Variants in KCNT2 observed in about 807,000 individuals in gnomAD.
The protein encoded by KCNT2 is potassium channel subfamily T member 2.
Under a neutral mutation model 153.8 loss-of-function variants are expected in KCNT2, and 67 were observed. The observed-to-expected ratio is 0.44, with a 90% confidence interval of 0.36 to 0.53. The LOEUF is 0.53. KCNT2 is among the 20% of genes least tolerant of loss of function. The probability of loss-of-function intolerance (pLI) is 0.00; values close to 1 mark genes in which losing one functional copy is unlikely to be tolerated. For missense variants in KCNT2, 975 were observed against 1,354.8 expected (o/e 0.72, Z 4.40); for synonymous variants, 500 against 458.8 (o/e 1.09, Z -1.15).
In KCNT2 at chr1:196,567,135, T is replaced by C. The variant is rs7533320; in HGVS notation, c.95+41080A>G. On this transcript the variant is annotated intron_variant, in intron 1 of 27. Coordinates refer to ENST00000294725, the MANE Select transcript of KCNT2 (RefSeq NM_198503.5). ...ACAAAATTAAATATGAATTCCTTAA[T>C]TACCATGGTCCATTATAGAACAGTT... Among the ~76,000 whole-genome samples, 740 of 152,260 alleles carry C rather than the reference T, an allele frequency of 4.9e-3. 3 individuals carry two copies. Among genetic ancestry groups the C allele is most frequent in the African/African-American group, 0.016 (673 of 41,572 alleles).
At chr1:196,239,234 G>A (rs542101784) in intron 26 of KCNT2, among the ~76,000 whole-genome samples, 15 of 151,444 alleles carry the variant, frequency 9.9e-5, no homozygotes, top group African/African-American at 1.7e-4. Context: ...ACCAAAATAC[G>A]ACATTAGCAA....
In KCNT2 at chr1:196,245,589, G is replaced by A. The variant is rs185823098; in HGVS notation, c.3212-9519C>T. ...TTTAGATGGATTATTCAACATAGCTGTTTTGAAGAAACTCAACAAAATTCA... is the reference window on the plus strand; with the variant it reads ...TTTAGATGGATTATTCAACATAGCTATTTTGAAGAAACTCAACAAAATTCA... On this transcript the variant is annotated intron_variant, in intron 26 of 27. Coordinates refer to ENST00000294725, the MANE Select transcript of KCNT2 (RefSeq NM_198503.5). 8.5e-4 allele frequency among the ~76,000 whole-genome samples: 130 copies of A among 152,284 alleles called. 1 individual carries two copies. The highest frequency in any genetic ancestry group is 3.0e-3 in the African/African-American group (123 of 41,562).
intron 1 of KCNT2, among the ~76,000 whole-genome samples, chr1:196,606,241 G>T (rs1195280935): frequency 6.6e-6 from 1 of 152,152 alleles, no homozygotes; most frequent in Non-Finnish European, 1.5e-5. Context: ...ATGGCTGAAT[G>T]ACTTTCCCAA....
At chr1:196,488,951 G>A (rs940033985) in intron 3 of KCNT2, among the ~76,000 whole-genome samples, 2 of 152,052 alleles carry the variant, frequency 1.3e-5, no homozygotes, top group Non-Finnish European at 2.9e-5. Flanking sequence ...CTAAGCCAGA[G>A]TGGAACTGGG....
intron 26 of KCNT2, among the ~76,000 whole-genome samples, chr1:196,256,626 A>T (rs1656529028): frequency 6.6e-6 from 1 of 151,564 alleles, no homozygotes; most frequent in African/African-American, 2.4e-5. Flanking sequence ...TCTTTAGACA[A>T]TATAAAAATA....
chr1:196,482,511 A>T (rs1361635177), intron 3 of KCNT2, 132 bp from the exon 4 acceptor site: 1 of 517,456 alleles, frequency 1.9e-6, no homozygotes, highest in East Asian at 3.5e-5. Context: ...AACATTTGAA[A>T]AAACGTTGTT....
At chr1:196,527,203 T>A (rs1202123873) in intron 1 of KCNT2, among the ~76,000 whole-genome samples, 14 of 152,174 alleles carry the variant, frequency 9.2e-5, no homozygotes, top group Non-Finnish European at 2.9e-5. Flanking sequence ...ATATCTCAAA[T>A]CTTCTTGTAG....
At chr1:196,233,311 A>G (rs1654123502) in intron 27 of KCNT2, among the ~76,000 whole-genome samples, 1 of 151,428 alleles carries the variant, frequency 6.6e-6, no homozygotes, top group African/African-American at 2.4e-5. Flanking sequence ...AAATAAAGCA[A>G]TATTATACTT....
intron 1 of KCNT2, among the ~76,000 whole-genome samples, chr1:196,549,306 G>A (rs1376641448): frequency 6.6e-5 from 10 of 151,830 alleles, no homozygotes; most frequent in Non-Finnish European, 1.5e-4. Flanking sequence ...GAATTATGAT[G>A]TGGGAAACTT....
chr1:196,584,018 G>A (rs1662366826), intron 1 of KCNT2, among the ~76,000 whole-genome samples: 1 of 151,806 alleles, frequency 6.6e-6, no homozygotes, highest in African/African-American at 2.4e-5. Context: ...GAGCAATCTT[G>A]GTCATACTCA....
chr1:196,498,496 T>G (rs1025098713), intron 1 of KCNT2, among the ~76,000 whole-genome samples: 1 of 152,144 alleles, frequency 6.6e-6, no homozygotes, highest in Non-Finnish European at 1.5e-5. Context: ...ATTACTGTAC[T>G]CATCTCAAAC....
At chr1:196,436,299 A>T (rs1231950938) in intron 8 of KCNT2, among the ~76,000 whole-genome samples, 1 of 151,642 alleles carries the variant, frequency 6.6e-6, no homozygotes, top group African/African-American at 2.4e-5. Context: ...TTCAAGTAAA[A>T]TATATCTTTA....
At chr1:196,372,404 C>G (rs1439206069) in intron 14 of KCNT2, among the ~76,000 whole-genome samples, 1 of 151,698 alleles carries the variant, frequency 6.6e-6, no homozygotes, top group African/African-American at 2.4e-5. Context: ...CTTCGAAAAT[C>G]AACATTTTGT....
intron 27 of KCNT2, among the ~76,000 whole-genome samples, chr1:196,229,510 A>G (rs989844058): frequency 6.6e-6 from 1 of 152,112 alleles, no homozygotes; most frequent in Admixed American, 6.6e-5. Flanking sequence ...TAATAACCCA[A>G]AAATGACTTG....
chr1:196,576,519 A>G (rs938896418), intron 1 of KCNT2, among the ~76,000 whole-genome samples: 1 of 152,122 alleles, frequency 6.6e-6, no homozygotes, highest in African/African-American at 2.4e-5. Context: ...AATTTTGCAC[A>G]TTATTCTTAG....
intron 1 of KCNT2, among the ~76,000 whole-genome samples, chr1:196,509,730 T>C (rs1001112159): frequency 3.3e-5 from 5 of 152,164 alleles, no homozygotes; most frequent in Admixed American, 1.3e-4. Context: ...TTTTAATAAG[T>C]TAATTAATTA....
intron 1 of KCNT2, among the ~76,000 whole-genome samples, chr1:196,513,208 T>G (rs1368225860): frequency 6.6e-6 from 1 of 152,172 alleles, no homozygotes; most frequent in Non-Finnish European, 1.5e-5. Flanking sequence ...ACTTAGAAGT[T>G]TTTGCTTATA....
At chr1:196,367,718 C>A (rs542059993) in intron 14 of KCNT2, among the ~76,000 whole-genome samples, 10 of 152,068 alleles carry the variant, frequency 6.6e-5, no homozygotes, top group African/African-American at 1.9e-4. Context: ...GTTTTATAAA[C>A]CACTCTTCCC....
In KCNT2 at chr1:196,425,940, G is replaced by A; in HGVS notation, c.1033C>T (p.Arg345Ter). The A allele has an allele frequency of 6.2e-7, 1 of 1,611,952 alleles. No homozygotes were observed. Among genetic ancestry groups the A allele is most frequent in the African/African-American group, 1.3e-5 (1 of 74,884 alleles). Residue 345 changes from arginine to a stop codon, truncating the protein, a stop_gained, in exon 11 of 28, where the codon CGA becomes TGA. Coordinates refer to ENST00000294725, the MANE Select transcript of KCNT2 (RefSeq NM_198503.5). LOFTEE classifies it high-confidence loss of function. ...CACATTGGAATCTGCAGTACCCTTC[G>A]AACCTGTACATCCATTTCAGTAGGA... is the stretch of plus-strand genomic sequence containing the variant. ...LCPTEMDVQV[R>*]RVLQIPMWSQ...
Sources: gnomAD v4.1 joint callset for allele counts (sites outside exome capture counted in the v4.1 genomes callset) on GRCh38, gnomAD v4.1.1 for gene constraint, MANE v1.5 for transcripts, NCBI Gene and HGNC (gene_info 2026-07-23, HGNC 2026-07-21) for gene names.